DOCK2: variants seen among roughly 807,000 people sequenced by gnomAD.
DOCK2 encodes the protein dedicator of cytokinesis 2, also known as dedicator of cytokinesis protein 2.
DOCK2 carries 87 observed loss-of-function variants against 248.9 expected under a neutral mutation model. The ratio of observed to expected loss-of-function variants is 0.35; its 90% CI spans 0.29 to 0.42. The LOEUF (loss-of-function observed/expected upper bound fraction) is 0.42. DOCK2 is among the 10% of genes least tolerant of loss of function. DOCK2 has a pLI of 1.00. For missense variants in DOCK2, 1,747 were observed against 2,300.2 expected (o/e 0.76, Z 4.92); for synonymous variants, 805 against 821.6 (o/e 0.98, Z 0.35).
At chr5:169,799,784 C>T (rs934252738) in intron 25 of DOCK2, among the ~76,000 whole-genome samples, 1 of 151,900 alleles carries the variant, frequency 6.6e-6, no homozygotes, top group Non-Finnish European at 1.5e-5. Flanking sequence ...GTATTGTACT[C>T]TCAAAAGTCC....
At chr5:169,960,404 ATAATAT>A (rs1328995967) in intron 27 of DOCK2, among the ~76,000 whole-genome samples, 1 of 152,212 alleles carries the variant, frequency 6.6e-6, no homozygotes, top group East Asian at 1.9e-4. Context: ...CAGGCCATTG[ATAATAT>A]TAATATGTCT....
chr5:169,851,899 C>A (rs1201915357), intron 27 of DOCK2, among the ~76,000 whole-genome samples: 3 of 152,148 alleles, frequency 2.0e-5, no homozygotes, highest in African/African-American at 7.2e-5. Context: ...AGGTCCCTCC[C>A]TCAACACATG....
At chr5:170,029,804 G>A (rs1374509381) in intron 34 of DOCK2, among the ~76,000 whole-genome samples, 1 of 152,168 alleles carries the variant, frequency 6.6e-6, no homozygotes, top group Non-Finnish European at 1.5e-5. Flanking sequence ...CAATAAGAAA[G>A]GCAAACTGAA....
intron 6 of DOCK2, among the ~76,000 whole-genome samples, chr5:169,678,793 C>T (rs1185735681): frequency 1.1e-4 from 15 of 141,384 alleles, no homozygotes; most frequent in African/African-American, 2.1e-4. Flanking sequence ...CACTTTCAGT[C>T]GGAAGTCATA....
At chr5:169,701,979 A>T (rs1223786942) in intron 13 of DOCK2, among the ~76,000 whole-genome samples, 1 of 152,196 alleles carries the variant, frequency 6.6e-6, no homozygotes, top group Non-Finnish European at 1.5e-5. Context: ...GGATCAATTC[A>T]ATTGGAGCTT....
chr5:169,981,758 T>A (rs1777943339), intron 27 of DOCK2, among the ~76,000 whole-genome samples: 1 of 152,212 alleles, frequency 6.6e-6, no homozygotes. Context: ...GCTCAGATGA[T>A]CATTAGAGTT....
chr5:169,840,246 C>T (rs1769866161), intron 26 of DOCK2, among the ~76,000 whole-genome samples: 1 of 152,138 alleles, frequency 6.6e-6, no homozygotes, highest in African/African-American at 2.4e-5. Flanking sequence ...TTGCCACACA[C>T]TTTTAAACAA....
At chr5:169,660,499 G>A (rs1048356641) in intron 2 of DOCK2, among the ~76,000 whole-genome samples, 51 of 152,112 alleles carry the variant, frequency 3.4e-4, no homozygotes, top group African/African-American at 1.2e-3. Flanking sequence ...GTTCTCATTT[G>A]AAAATATTGG....
chr5:169,959,472 AAAG>A (rs1214569183), intron 27 of DOCK2, among the ~76,000 whole-genome samples: 2 of 152,208 alleles, frequency 1.3e-5, no homozygotes, highest in African/African-American at 4.8e-5. Context: ...ATGTTACCAA[AAAG>A]AAGTTTATGG....
intron 1 of DOCK2, 95 bp downstream of exon 1, chr5:169,637,464 C>G (rs1384613141): frequency 4.8e-6 from 6 of 1,260,182 alleles, no homozygotes; most frequent in Non-Finnish European, 6.0e-6. Flanking sequence ...GCGGGGTGGG[C>G]AGGGCGCGCT....
chr5:169,803,300 G>A, intron 26 of DOCK2, 94 bp downstream of exon 26: 1 of 1,490,844 alleles, frequency 6.7e-7, no homozygotes, highest in Non-Finnish European at 9.0e-7. Flanking sequence ...AGCAGCTGGA[G>A]TCTAAAGATA....
At chr5:170,039,276 C>A (rs969004756) in intron 36 of DOCK2, among the ~76,000 whole-genome samples, 15 of 152,210 alleles carry the variant, frequency 9.9e-5, no homozygotes, top group Admixed American at 8.5e-4. Context: ...GCCATGGGAA[C>A]CTTTTTAGAA....
chr5:169,890,358 G>A (rs1445529395), intron 27 of DOCK2, among the ~76,000 whole-genome samples: 9 of 152,124 alleles, frequency 5.9e-5, no homozygotes, highest in Non-Finnish European at 1.5e-5. Flanking sequence ...GGGCCTTGTG[G>A]TTCAAAGTTT....
At chr5:169,642,675 C>T (rs1336949458) in intron 1 of DOCK2, among the ~76,000 whole-genome samples, 3 of 152,206 alleles carry the variant, frequency 2.0e-5, no homozygotes, top group Non-Finnish European at 4.4e-5. Context: ...TCAGATGCTT[C>T]AGCAATTTGG....
chr5:169,774,752 T>C (rs1007735461), intron 25 of DOCK2, among the ~76,000 whole-genome samples: 2 of 152,240 alleles, frequency 1.3e-5, no homozygotes, highest in Admixed American at 1.3e-4. Context: ...CCTTCACTTG[T>C]ATTTTTACAA....
intron 38 of DOCK2, among the ~76,000 whole-genome samples, chr5:170,042,437 C>T (rs1435622924): frequency 6.6e-6 from 1 of 152,194 alleles, no homozygotes; most frequent in Admixed American, 6.5e-5. Context: ...TATGCCATTC[C>T]CCCACTCGCA....
chr5:169,641,274 G>A (rs1190430632), intron 1 of DOCK2, among the ~76,000 whole-genome samples: 1 of 152,122 alleles, frequency 6.6e-6, no homozygotes, highest in Admixed American at 6.5e-5. Flanking sequence ...TTTTTGGAGG[G>A]GGAGGGCACA....
chr5:169,878,483 A>G (rs1164884956), intron 27 of DOCK2, among the ~76,000 whole-genome samples: 1 of 152,226 alleles, frequency 6.6e-6, no homozygotes, highest in Non-Finnish European at 1.5e-5. Flanking sequence ...AGTAAAAATG[A>G]TTGTATTCTA....
At chr5:169,801,516 A>C (rs1581209324) in intron 25 of DOCK2, among the ~76,000 whole-genome samples, 2 of 152,242 alleles carry the variant, frequency 1.3e-5, no homozygotes, top group African/African-American at 4.8e-5. Context: ...GTAAGCACTC[A>C]AAATACTGTG....
Sources: gnomAD v4.1 joint callset for allele counts (sites outside exome capture counted in the v4.1 genomes callset) on GRCh38, gnomAD v4.1.1 for gene constraint, MANE v1.5 for transcripts, NCBI Gene and HGNC (gene_info 2026-07-23, HGNC 2026-07-21) for gene names.